Variants in MYO10 observed in about 807,000 individuals in gnomAD.
MYO10 encodes the protein unconventional myosin-X.
Under a neutral mutation model 257.3 loss-of-function variants are expected in MYO10, and 133 were observed. That is an observed-to-expected ratio of 0.52 (90% CI 0.45 to 0.60). MYO10 has a LOEUF of 0.60. MYO10 is among the 20% of genes least tolerant of loss of function. MYO10 has a pLI of 0.00. For missense variants in MYO10, 2,399 were observed against 2,635.7 expected (o/e 0.91, Z 1.97); for synonymous variants, 1,104 against 1,028.6 (o/e 1.07, Z -1.40).
intron 4 of MYO10, among the ~76,000 whole-genome samples, chr5:16,787,817 T>C (rs1741633277): frequency 6.6e-6 from 1 of 151,926 alleles, no homozygotes; most frequent in Non-Finnish European, 1.5e-5. Context: ...TGTGTGTGTG[T>C]GTGTGAGTTT....
chr5:16,853,768 C>T (rs1410052835), intron 2 of MYO10, among the ~76,000 whole-genome samples: 1 of 152,182 alleles, frequency 6.6e-6, no homozygotes, highest in Non-Finnish European at 1.5e-5. Context: ...CCATTCTTCA[C>T]AGTGGGAGAG....
intron 3 of MYO10, among the ~76,000 whole-genome samples, chr5:16,799,101 A>C (rs1195648201): frequency 6.6e-6 from 1 of 152,144 alleles, no homozygotes; most frequent in East Asian, 1.9e-4. Context: ...TACTTATAAA[A>C]CCATTATTAA....
chr5:16,889,189 TAAA>T (rs34138785), intron 1 of MYO10, among the ~76,000 whole-genome samples: 5 of 59,168 alleles, frequency 8.5e-5, no homozygotes, highest in Admixed American at 2.1e-4. Flanking sequence ...TAAAAAAATT[TAAA>T]AAAAAAAAAA....
At chr5:16,684,254 G>A (rs1238406884) in intron 29 of MYO10, among the ~76,000 whole-genome samples, 1 of 151,976 alleles carries the variant, frequency 6.6e-6, no homozygotes, top group African/African-American at 2.4e-5. Context: ...AATTTAATTT[G>A]TTTGTTTTTG....
intron 2 of MYO10, among the ~76,000 whole-genome samples, chr5:16,862,310 T>C (rs17614174): frequency 0.072 from 10,976 of 152,252 alleles, 495 homozygotes; most frequent in Non-Finnish European, 0.11. Flanking sequence ...AGCTGGATGA[T>C]CAATTCACCA....
At chr5:16,717,903 T>G (rs1044873798) in intron 19 of MYO10, among the ~76,000 whole-genome samples, 4 of 152,200 alleles carry the variant, frequency 2.6e-5, no homozygotes, top group Admixed American at 1.3e-4. Context: ...CCCTTTCTGG[T>G]CTGGCCAAGG....
intron 19 of MYO10, among the ~76,000 whole-genome samples, chr5:16,748,582 A>G (rs1353820192): frequency 7.4e-6 from 1 of 135,654 alleles, no homozygotes; most frequent in Non-Finnish European, 1.5e-5. Context: ...AAGGAAATGA[A>G]GAAAGGAAGA....
At chr5:16,921,616 G>C (rs963161466) in intron 1 of MYO10, among the ~76,000 whole-genome samples, 3 of 146,602 alleles carry the variant, frequency 2.0e-5, no homozygotes, top group African/African-American at 7.5e-5. Flanking sequence ...TTCAGGGTCT[G>C]GAAAAAAGAA....
At chr5:16,749,110 C>G (rs1037038656) in intron 19 of MYO10, among the ~76,000 whole-genome samples, 7 of 152,166 alleles carry the variant, frequency 4.6e-5, no homozygotes, top group African/African-American at 1.7e-4. Context: ...GCAAATTTGG[C>G]TGCATGGAAA....
Position 16,685,962 on chromosome 5 carries a change from G to A in MYO10, c.3897-131C>T, listed in dbSNP as rs955115459. On this transcript the variant is annotated intron_variant, in intron 28 of 40. Coordinates refer to ENST00000513610, the MANE Select transcript of MYO10 (RefSeq NM_012334.3). ...TTGCTTTTAATTTGATTACTTCTTAGGGGTAAATGTCAGTTTCATTACCAA... is the reference window on the plus strand; with the variant it reads ...TTGCTTTTAATTTGATTACTTCTTAAGGGTAAATGTCAGTTTCATTACCAA... 3 of 667,388 alleles carry A rather than the reference G, an allele frequency of 4.5e-6. No homozygotes were observed. The Admixed American group carries it at 7.3e-5, about 16-fold the overall frequency. 41.3% of individuals were successfully genotyped at this position (667,388 alleles called of 1,614,324 possible).
At chr5:16,764,193 A>C (rs1306304419) in intron 12 of MYO10, 57 bp downstream of exon 12, 5 of 1,571,044 alleles carry the variant, frequency 3.2e-6, no homozygotes, top group Non-Finnish European at 4.3e-6. Context: ...GATTTGTTCA[A>C]TAGCAGCTAA....
At chr5:16,826,675 A>T (rs1329454618) in intron 2 of MYO10, among the ~76,000 whole-genome samples, 1 of 152,178 alleles carries the variant, frequency 6.6e-6, no homozygotes, top group Non-Finnish European at 1.5e-5. Context: ...TCTATTTGTC[A>T]TAACACTCTC....
Position 16,815,702 on chromosome 5 carries a change from C to T in MYO10, c.279+2307G>A, listed in dbSNP as rs114731849. Among the ~76,000 whole-genome samples the T allele has an allele frequency of 6.9e-3, 1,045 of 152,230 alleles. 3 individuals carry two copies. Among genetic ancestry groups the T allele is most frequent in the Non-Finnish European group, 0.012 (787 of 68,018 alleles). ...TCAAATATTTAATAATAACAACACA[C>T]GCACAGTGCAGCGGTCATGTGGATA... On this transcript the variant is annotated intron_variant, in intron 3 of 40. Coordinates refer to ENST00000513610, the MANE Select transcript of MYO10 (RefSeq NM_012334.3).
At chr5:16,754,389 G>A (rs1323117116) in intron 19 of MYO10, among the ~76,000 whole-genome samples, 6 of 151,610 alleles carry the variant, frequency 4.0e-5, no homozygotes, top group Admixed American at 3.3e-4. Flanking sequence ...TTAAAATCTA[G>A]CATTACTACT....
chr5:16,769,960 G>C (rs1297933900), intron 9 of MYO10, among the ~76,000 whole-genome samples: 1 of 151,888 alleles, frequency 6.6e-6, no homozygotes, highest in East Asian at 1.9e-4. Flanking sequence ...TGTAGAGATG[G>C]GGGTCTCATG....
intron 2 of MYO10, among the ~76,000 whole-genome samples, chr5:16,863,095 T>C (rs1744151435): frequency 6.6e-6 from 1 of 151,968 alleles, no homozygotes; most frequent in African/African-American, 2.4e-5. Context: ...GAGGCCAAAG[T>C]CTAGGAAGAT....
intron 1 of MYO10, among the ~76,000 whole-genome samples, chr5:16,930,797 G>A (rs1223885956): frequency 2.0e-5 from 3 of 152,198 alleles, no homozygotes; most frequent in African/African-American, 7.2e-5. Context: ...CCATCGGAGG[G>A]AGCCAAGCGC....
At chr5:16,766,229 C>A (rs774146760) in intron 10 of MYO10, 31 bp from the exon 11 acceptor site, 5 of 1,539,038 alleles carry the variant, frequency 3.2e-6, no homozygotes, top group Non-Finnish European at 3.6e-6. Context: ...GTGAATGAAC[C>A]CACCGCCCCC....
At chr5:16,772,219 G>C (rs548925437) in intron 9 of MYO10, among the ~76,000 whole-genome samples, 3 of 150,444 alleles carry the variant, frequency 2.0e-5, no homozygotes, top group Non-Finnish European at 4.4e-5. Context: ...TACAACCTCC[G>C]CCTTCCGGGT....
Sources: allele counts gnomAD v4.1 joint callset (sites outside exome capture counted in the v4.1 genomes callset), GRCh38; gene constraint gnomAD v4.1.1; transcripts MANE v1.5; gene names NCBI Gene and HGNC (gene_info 2026-07-23, HGNC 2026-07-21).